CPNE4: variants seen among roughly 807,000 people sequenced by gnomAD.
CPNE4 encodes copine 4.
CPNE4 carries 25 observed loss-of-function variants against 67.9 expected under a neutral mutation model. The observed-to-expected ratio is 0.37, with a 90% CI of 0.27 to 0.51. The LOEUF (loss-of-function observed/expected upper bound fraction) is 0.51. CPNE4 is among the 20% of genes least tolerant of loss of function. The probability of loss-of-function intolerance (pLI) is 0.93; values close to 1 mark genes in which losing one functional copy is unlikely to be tolerated. For missense variants in CPNE4, 464 were observed against 690.8 expected, an observed-to-expected ratio of 0.67 and a Z score of 3.68; for synonymous variants, 242 against 244.9, an observed-to-expected ratio of 0.99 and a Z score of 0.11.
At chr3:131,851,297 A>G (rs780875027) in intron 2 of CPNE4, among the ~76,000 whole-genome samples, 1 of 152,080 alleles carries the variant, frequency 6.6e-6, no homozygotes, top group African/African-American at 2.4e-5. Context: ...TTAAAAATTA[A>G]TATTTTTAAT....
intron 2 of CPNE4, among the ~76,000 whole-genome samples, chr3:131,833,975 A>T (rs920301303): frequency 2.0e-5 from 3 of 152,238 alleles, no homozygotes; most frequent in Non-Finnish European, 4.4e-5. Flanking sequence ...TAGCTATTAA[A>T]GTGGTTAGTT....
chr3:131,770,575 G>A (rs2083140894), intron 2 of CPNE4, among the ~76,000 whole-genome samples: 1 of 152,328 alleles, frequency 6.6e-6, no homozygotes, highest in African/African-American at 2.4e-5. Flanking sequence ...GAAGCTCCAG[G>A]AGGCCAGGGT....
chr3:131,850,759 ATCATT>A (rs1270934503), intron 2 of CPNE4, among the ~76,000 whole-genome samples: 1 of 152,132 alleles, frequency 6.6e-6, no homozygotes, highest in African/African-American at 2.4e-5. Flanking sequence ...TTTTGCACAT[ATCATT>A]TCATTTAACC....
intron 9 of CPNE4, among the ~76,000 whole-genome samples, chr3:131,578,356 TG>T (rs1417816324): frequency 1.3e-5 from 2 of 152,146 alleles, no homozygotes; most frequent in Non-Finnish European, 2.9e-5. Flanking sequence ...GTGTTGTGTG[TG>T]TTCTCACTGC....
intron 7 of CPNE4, among the ~76,000 whole-genome samples, chr3:131,613,517 C>T (rs1459691714): frequency 6.6e-6 from 1 of 152,172 alleles, no homozygotes; most frequent in East Asian, 1.9e-4. Context: ...ATGCTCTCTG[C>T]AGCTTTGATC....
chr3:131,893,678 A>G (rs1256140497), intron 2 of CPNE4, among the ~76,000 whole-genome samples: 2 of 152,032 alleles, frequency 1.3e-5, no homozygotes, highest in Middle Eastern at 3.2e-3. Flanking sequence ...AAACTGTACA[A>G]ATACATGGAA....
intron 2 of CPNE4, among the ~76,000 whole-genome samples, chr3:131,792,493 G>A (rs2083753473): frequency 6.7e-6 from 1 of 149,970 alleles, no homozygotes; most frequent in South Asian, 2.1e-4. Flanking sequence ...AAACTCAAAT[G>A]TTTATACATA....
chr3:131,821,165 T>A (rs72987740), intron 2 of CPNE4, among the ~76,000 whole-genome samples: 1 of 152,192 alleles, frequency 6.6e-6, no homozygotes, highest in Non-Finnish European at 1.5e-5. Flanking sequence ...TCTCCACTGA[T>A]AATCCAACGT....
At chr3:131,862,994 T>C (rs1248323671) in intron 2 of CPNE4, among the ~76,000 whole-genome samples, 1 of 151,430 alleles carries the variant, frequency 6.6e-6, no homozygotes. Context: ...TTGCTGAGAA[T>C]GATGGTTTCC....
chr3:131,709,578 T>C (rs1260958901), intron 3 of CPNE4, among the ~76,000 whole-genome samples: 3 of 152,240 alleles, frequency 2.0e-5, no homozygotes, highest in African/African-American at 7.2e-5. Context: ...GACCAAAGCA[T>C]GGAACTGTTT....
rs149879986 is a variant in CPNE4 at position 131,959,507 on chromosome 3, G to A, written c.-1-54063C>T. On this transcript the variant is annotated intron_variant, in intron 1 of 15. Transcript: ENST00000429747. ...TGCCTGAGTTGGACAGAATGCTACA[G>A]ATAGCACCAAAGTTGAGACACCAAT... Among the ~76,000 whole-genome samples the A allele has an allele frequency of 3.6e-3, 541 of 152,236 alleles. 1 individual carries two copies. Among genetic ancestry groups the A allele is most frequent in the Middle Eastern group, 0.01 (3 of 294 alleles).
intron 7 of CPNE4, among the ~76,000 whole-genome samples, chr3:131,659,887 C>G (rs1334215292): frequency 2.0e-5 from 3 of 152,126 alleles, no homozygotes; most frequent in Non-Finnish European, 4.4e-5. Flanking sequence ...CTCTGTAGTA[C>G]AATAATGTCA....
intron 8 of CPNE4, among the ~76,000 whole-genome samples, chr3:131,585,791 A>G (rs1298362328): frequency 6.6e-6 from 1 of 152,140 alleles, no homozygotes; most frequent in African/African-American, 2.4e-5. Context: ...ATTCCTTGTT[A>G]TCTTGGGAAT....
chr3:131,641,282 T>A (rs981243320), intron 7 of CPNE4, among the ~76,000 whole-genome samples: 7 of 151,766 alleles, frequency 4.6e-5, no homozygotes, highest in Admixed American at 2.0e-4. Flanking sequence ...AAAGGACTAA[T>A]ATCCAAAATC....
chr3:131,729,874 A>T (rs1476514009), intron 2 of CPNE4, among the ~76,000 whole-genome samples: 1 of 152,230 alleles, frequency 6.6e-6, no homozygotes, highest in East Asian at 1.9e-4. Flanking sequence ...CTTGGGTGGA[A>T]GCTGCCTCCT....
At chr3:131,616,008 T>C (rs540489575) in intron 7 of CPNE4, among the ~76,000 whole-genome samples, 1 of 151,638 alleles carries the variant, frequency 6.6e-6, no homozygotes, top group East Asian at 1.9e-4. Flanking sequence ...TTTCTCTCCA[T>C]ATAACTTGCT....
chr3:131,963,376 C>A (rs1385366042), intron 1 of CPNE4, among the ~76,000 whole-genome samples: 2 of 151,894 alleles, frequency 1.3e-5, no homozygotes, highest in African/African-American at 4.8e-5. Flanking sequence ...GCACCTGCAA[C>A]CCCAGCGAGA....
intron 1 of CPNE4, among the ~76,000 whole-genome samples, chr3:131,955,773 T>G (rs2071946973): frequency 6.6e-6 from 1 of 152,180 alleles, no homozygotes; most frequent in South Asian, 2.1e-4. Context: ...GTCTCTGAAC[T>G]TGTACGGAAG....
intron 2 of CPNE4, among the ~76,000 whole-genome samples, chr3:131,796,202 G>A (rs1327825733): frequency 6.6e-6 from 1 of 151,594 alleles, no homozygotes; most frequent in Non-Finnish European, 1.5e-5. Context: ...CATCACAGCT[G>A]TCCAAGGTTA....
Sources: gnomAD v4.1 joint callset for allele counts (sites outside exome capture counted in the v4.1 genomes callset) on GRCh38, gnomAD v4.1.1 for gene constraint, MANE v1.5 for transcripts, NCBI Gene and HGNC (gene_info 2026-07-23, HGNC 2026-07-21) for gene names.